Variants in FAM78A observed in about 807,000 individuals in gnomAD.
FAM78A encodes family with sequence similarity 78 member A.
FAM78A carries 12 observed loss-of-function variants against 22.6 expected under a neutral mutation model. That is an observed-to-expected ratio of 0.53 (90% CI 0.34 to 0.86). The LOEUF is 0.86. Among genes scored for constraint, FAM78A ranks in the 40% least tolerant of loss-of-function variants. The pLI is 0.02. For missense variants in FAM78A, 322 were observed against 396.1 expected, an observed-to-expected ratio of 0.81 and a Z score of 1.59; for synonymous variants, 151 against 155.8, an observed-to-expected ratio of 0.97 and a Z score of 0.23.
chr9:131,265,576 G>A lies in FAM78A; in HGVS notation c.324-4226C>T, dbSNP rs1027582301. Among the ~76,000 whole-genome samples, 2 of 151,926 alleles carry A rather than the reference G, an allele frequency of 1.3e-5. No individual in the cohort carries two copies. Among genetic ancestry groups the A allele is most frequent in the Non-Finnish European group, 2.9e-5 (2 of 67,982 alleles). On this transcript the variant is annotated intron_variant, in intron 1 of 1. Transcript: ENST00000372271. This position sits in a 1 kb window ranked among gnomAD's most constrained non-coding sequence, Gnocchi z 4.3. ...ATTTTTATATTTTTTTAGTAGAGAC[G>A]GAGTTTCACCATGTTGGCCAGGCTG...
chr9:131,279,260 T>A (rs906430025), upstream of FAM78A, among the ~76,000 whole-genome samples: 5 of 152,250 alleles, frequency 3.3e-5, no homozygotes, highest in African/African-American at 9.6e-5. Flanking sequence ...TCTACATAAA[T>A]GTCCATTTCC....
rs756127343 is a variant in FAM78A, at chr9:131,275,843, TCGG to T, written c.323+11_323+13del. 2.6e-5 allele frequency: 40 copies of T among 1,560,684 alleles called. No individual in the cohort carries two copies. Among genetic ancestry groups the T allele is most frequent in the Non-Finnish European group, 3.4e-5 (39 of 1,150,936 alleles). ...CCCTAGCAGTTCCCAGAGCTGGCTC[TCGG>T]CCGTACTCACATGCCCTGCTCGCCG... On this transcript the variant is annotated intron_variant, in intron 1 of 1. Coordinates refer to ENST00000372271, the MANE Select transcript of FAM78A (RefSeq NM_033387.4). This position sits in a 1 kb window ranked among gnomAD's most constrained non-coding sequence, Gnocchi z 4.6.
chr9:131,261,410 C>A lies in FAM78A; in HGVS notation c.324-60G>T, dbSNP rs1312832351. 2.7e-6 allele frequency: 4 copies of A among 1,459,430 alleles called. No individual in the cohort carries two copies. The highest frequency in any genetic ancestry group is 3.6e-6 in the Non-Finnish European group (4 of 1,107,482). 90.4% of individuals were successfully genotyped at this position (1,459,430 alleles called of 1,614,324 possible). The stretch of plus-strand genomic sequence containing the variant: ...CACTCAAGGAGGGCTTTCTGTGTCC[C>A]CCTGGCAGGCCAGGGGCTGTCCTGG... On this transcript the variant is annotated intron_variant, in intron 1 of 1. Coordinates refer to ENST00000372271, the MANE Select transcript of FAM78A (RefSeq NM_033387.4). The surrounding 1 kb of genome is among the most constrained non-coding windows in gnomAD (Gnocchi z 7.1).
chr9:131,269,449 G>T (rs2131182816), intron 1 of FAM78A, among the ~76,000 whole-genome samples: 1 of 152,086 alleles, frequency 6.6e-6, no homozygotes, highest in African/African-American at 2.4e-5. Flanking sequence ...TTTGCTATTA[G>T]GAGCCGTGCT....
Position 131,258,337 on chromosome 9 carries a change from G to C in FAM78A, c.*2485C>G, listed in dbSNP as rs1835215754. Reference sequence around the variant, plus strand: ...AAGCCTGGGGCCTGTGCTCCAACATGAGCAAGGAGGCTGAAGGAGCAGACC... The same window carrying C: ...AAGCCTGGGGCCTGTGCTCCAACATCAGCAAGGAGGCTGAAGGAGCAGACC... On this transcript the variant is annotated 3_prime_UTR_variant, in exon 2 of 2. Coordinates refer to ENST00000372271, the MANE Select transcript of FAM78A (RefSeq NM_033387.4). 1 of 152,572 alleles carries C rather than the reference G, an allele frequency of 6.6e-6. No homozygotes were observed. Among genetic ancestry groups the C allele is most frequent in the Non-Finnish European group, 1.5e-5 (1 of 68,060 alleles). The allele number at this position is 152,572 out of a possible 1,614,324, so 9.5% of individuals were successfully genotyped here.
chr9:131,277,295 TC>T (rs1835499347), upstream of FAM78A, among the ~76,000 whole-genome samples: 1 of 151,640 alleles, frequency 6.6e-6, no homozygotes, highest in Non-Finnish European at 1.5e-5. This position sits in a 1 kb window ranked among gnomAD's most constrained non-coding sequence, Gnocchi z 8.4. Context: ...AGGTGCCCCT[TC>T]CCCACCCCGG....
At chr9:131,268,892 CAA>C (rs35244977) in intron 1 of FAM78A, among the ~76,000 whole-genome samples, 3 of 134,130 alleles carry the variant, frequency 2.2e-5, no homozygotes, top group Non-Finnish European at 3.2e-5. Context: ...GACTCCGTCT[CAA>C]AAAAAAAAAA....
Position 131,275,714 on chromosome 9 carries a change from C to T in FAM78A, c.323+143G>A. 1 of 898,754 alleles carries T rather than the reference C, an allele frequency of 1.1e-6. No individual in the cohort carries two copies. 55.7% of individuals were successfully genotyped at this position (898,754 alleles called of 1,614,324 possible). ...GGAGCCACCGGGCCAATGAGGCCAC[C>T]TGCATACCTGCCTAAAGCTTCCCTC... is the stretch of plus-strand genomic sequence containing the variant. On this transcript the variant is annotated intron_variant, in intron 1 of 1. Transcript: ENST00000372271. The surrounding 1 kb of genome is among the most constrained non-coding windows in gnomAD (Gnocchi z 4.6).
rs924992495 is a variant in FAM78A, at chr9:131,261,868, C to T, written c.324-518G>A. On this transcript the variant is annotated intron_variant, in intron 1 of 1. Coordinates refer to ENST00000372271, the MANE Select transcript of FAM78A (RefSeq NM_033387.4). The surrounding 1 kb of genome is among the most constrained non-coding windows in gnomAD (Gnocchi z 7.1). ...TAACAGGGAAGCTCAGGACACCCTG[C>T]GCCCACTGCGCCTTCTGCTCACCTA... 6.6e-6 allele frequency among the ~76,000 whole-genome samples: 1 copy of T among 152,182 alleles called. No individual in the cohort carries two copies. Among genetic ancestry groups the T allele is most frequent in the South Asian group, 2.1e-4 (1 of 4,830 alleles).
chr9:131,270,543 C>G (rs1406056690), intron 1 of FAM78A: 8 of 714,672 alleles, frequency 1.1e-5, no homozygotes, highest in African/African-American at 1.7e-5. Flanking sequence ...CCTGGGGGAG[C>G]TCTCTTTAGG....
chr9:131,266,889 C>T (rs575785378), intron 1 of FAM78A, among the ~76,000 whole-genome samples: 2 of 152,352 alleles, frequency 1.3e-5, no homozygotes, highest in East Asian at 3.9e-4. Context: ...GCCCACAGGG[C>T]ATCTCTGTGA....
At chr9:131,269,345 T>C (rs1835387937) in intron 1 of FAM78A, among the ~76,000 whole-genome samples, 1 of 152,228 alleles carries the variant, frequency 6.6e-6, no homozygotes, top group African/African-American at 2.4e-5. Flanking sequence ...TCCCCACTTG[T>C]CTTCATCGCC....
chr9:131,264,437 G>A lies in FAM78A; in HGVS notation c.324-3087C>T, dbSNP rs148933387. The stretch of plus-strand genomic sequence containing the variant: ...CCTGGGGGTTGCAGCGGGTGCAGCA[G>A]CCCAGGGTCCACTGTCAGCCCCAGC... On this transcript the variant is annotated intron_variant, in intron 1 of 1. Coordinates refer to ENST00000372271, the MANE Select transcript of FAM78A (RefSeq NM_033387.4). 9.8e-4 allele frequency: 608 copies of A among 621,018 alleles called. 2 individuals are homozygous for A. Among genetic ancestry groups the A allele is most frequent in the African/African-American group, 9.6e-3 (528 of 54,958 alleles). 38.5% of individuals were successfully genotyped at this position (621,018 alleles called of 1,614,324 possible).
chr9:131,260,882 G>A lies in FAM78A; in HGVS notation c.792C>T (p.Val264=). 1 of 1,545,780 alleles carries A rather than the reference G, an allele frequency of 6.5e-7. No homozygotes were observed. The highest frequency in any genetic ancestry group is 8.7e-7 in the Non-Finnish European group (1 of 1,144,088). ...LVKPNANDAQ[V]LMWRPKYGQP... ...GCCCGTACTTGGGCCGCCACATGAG[G>A]ACCTGGGCATCGTTGGCATTGGGCT... is the stretch of plus-strand genomic sequence containing the variant. The change falls in exon 2 of 2, where the codon GTC becomes GTT. Residue 264 remains valine (V), a synonymous_variant. Coordinates refer to ENST00000372271, the MANE Select transcript of FAM78A (RefSeq NM_033387.4). The surrounding 1 kb of genome is among the most constrained non-coding windows in gnomAD (Gnocchi z 5.4).
rs535049112 is a variant in FAM78A at position 131,272,157 on chromosome 9, T to C, written c.323+3700A>G. Among the ~76,000 whole-genome samples, 3 of 152,334 alleles carry C rather than the reference T, an allele frequency of 2.0e-5. No homozygotes were observed. The East Asian group carries it at 5.8e-4, about 29-fold the overall frequency. ...GTATTATGGATTTTGGTTAAGTATT[T>C]GGAATTAACATTTTGGATACAAGCC... On this transcript the variant is annotated intron_variant, in intron 1 of 1. Coordinates refer to ENST00000372271, the MANE Select transcript of FAM78A (RefSeq NM_033387.4). The surrounding 1 kb of genome is among the most constrained non-coding windows in gnomAD (Gnocchi z 4.1).
At position 131,267,951 on chromosome 9, in the gene FAM78A, T is replaced by C. The variant is rs141278695; in HGVS notation, c.324-6601A>G. 2.1e-3 allele frequency among the ~76,000 whole-genome samples: 313 copies of C among 150,668 alleles called. 2 individuals are homozygous for C. Among genetic ancestry groups the C allele is most frequent in the African/African-American group, 7.1e-3 (292 of 40,988 alleles). On this transcript the variant is annotated intron_variant, in intron 1 of 1. Coordinates refer to ENST00000372271, the MANE Select transcript of FAM78A (RefSeq NM_033387.4). ...CCTGTAGTCCCAGCTACTTGGGAGG[T>C]TGAGGCAGGAGAATGGCATGAACCC...
intron 1 of FAM78A, among the ~76,000 whole-genome samples, chr9:131,262,172 T>C (rs921478467): frequency 4.7e-5 from 7 of 150,314 alleles, no homozygotes; most frequent in African/African-American, 1.7e-4. Context: ...CTAAAAAAAA[T>C]AGAAAAAATT....
At chr9:131,273,988 C>T (rs1386169616) in intron 1 of FAM78A, among the ~76,000 whole-genome samples, 1 of 152,220 alleles carries the variant, frequency 6.6e-6, no homozygotes, top group Non-Finnish European at 1.5e-5. Flanking sequence ...GCTCTTCCAA[C>T]CAGGAAGCCA....
upstream of FAM78A, among the ~76,000 whole-genome samples, chr9:131,277,848 G>A (rs1236072721): frequency 6.6e-6 from 1 of 151,272 alleles, no homozygotes; most frequent in Non-Finnish European, 1.5e-5. This position sits in a 1 kb window ranked among gnomAD's most constrained non-coding sequence, Gnocchi z 8.4. Flanking sequence ...CCGCCGCGCC[G>A]CTGCCGCCTG....
Sources: allele counts gnomAD v4.1 joint callset (sites outside exome capture counted in the v4.1 genomes callset), GRCh38; gene constraint gnomAD v4.1.1; non-coding constraint Gnocchi (gnomAD v3.1); transcripts MANE v1.5; gene names NCBI Gene and HGNC (gene_info 2026-07-23, HGNC 2026-07-21).